MYOF: variants seen among roughly 807,000 people sequenced by gnomAD.
MYOF encodes fer-1-like 3, myoferlin.
In MYOF, 244 loss-of-function variants were observed where a neutral mutation model predicts 284.2. The observed-to-expected ratio is 0.86, with a 90% CI of 0.77 to 0.95. The LOEUF is 0.95. Ranked by LOEUF, MYOF falls within the 40% of genes least tolerant of loss-of-function variation. The pLI is 0.00. For missense variants in MYOF, 2,496 were observed against 2,560.6 expected (o/e 0.97, Z 0.54); for synonymous variants, 904 against 919.7 (o/e 0.98, Z 0.31).
intron 32 of MYOF, among the ~76,000 whole-genome samples, chr10:93,352,854 G>A (rs1447058230): frequency 6.6e-6 from 1 of 152,192 alleles, no homozygotes; most frequent in Non-Finnish European, 1.5e-5. Context: ...ATTTGAAAAT[G>A]TCTTCAAAGA....
chr10:93,402,179 T>C (rs975487805), intron 11 of MYOF, 53 bp downstream of exon 11: 3 of 1,466,474 alleles, frequency 2.0e-6, no homozygotes, highest in Non-Finnish European at 2.9e-6. Context: ...TGCTTAACTC[T>C]TGGCCTTCTT....
At chr10:93,455,943 T>C (rs1209273266) in intron 2 of MYOF, among the ~76,000 whole-genome samples, 2 of 152,192 alleles carry the variant, frequency 1.3e-5, no homozygotes, top group Admixed American at 6.5e-5. Flanking sequence ...GAAAATCCTA[T>C]TCAGTGGGAA....
At chr10:93,471,405 A>G (rs551111501) in intron 1 of MYOF, among the ~76,000 whole-genome samples, 64 of 152,020 alleles carry the variant, frequency 4.2e-4, no homozygotes, top group Non-Finnish European at 5.0e-4. Flanking sequence ...TAAACAACTC[A>G]ATCTGTTCAG....
chr10:93,372,083 T>C (rs1845618710), intron 24 of MYOF, among the ~76,000 whole-genome samples: 1 of 152,176 alleles, frequency 6.6e-6, no homozygotes, highest in African/African-American at 2.4e-5. Context: ...GAGCAATGAG[T>C]AAATTTATTA....
intron 41 of MYOF, 144 bp from the exon 42 acceptor site, chr10:93,334,057 G>T: frequency 1.4e-6 from 1 of 738,486 alleles, no homozygotes; most frequent in South Asian, 2.2e-5. Flanking sequence ...ATTGCACTTT[G>T]CATATTTCCA....
intron 44 of MYOF, 133 bp downstream of exon 44, chr10:93,329,531 C>T (rs902385117): frequency 9.3e-6 from 8 of 859,322 alleles, no homozygotes; most frequent in South Asian, 3.6e-5. Flanking sequence ...AATAATCCTG[C>T]GATTGAAATC....
At chr10:93,385,231 C>A (rs1240304536) in intron 19 of MYOF, among the ~76,000 whole-genome samples, 1 of 152,108 alleles carries the variant, frequency 6.6e-6, no homozygotes, top group East Asian at 1.9e-4. Flanking sequence ...CAGAAGCCAG[C>A]GGGTATTAGA....
intron 16 of MYOF, 87 bp downstream of exon 16, chr10:93,396,055 G>C (rs76364932): frequency 9.9e-7 from 1 of 1,007,576 alleles, no homozygotes; most frequent in Non-Finnish European, 1.5e-6. Context: ...CAAACCTACT[G>C]TGAGGTGGCT....
intron 1 of MYOF, among the ~76,000 whole-genome samples, chr10:93,477,215 G>T (rs1385531330): frequency 1.3e-5 from 2 of 152,240 alleles, no homozygotes; most frequent in East Asian, 3.8e-4. Flanking sequence ...GAAAAGGCCA[G>T]ATGCAGTGGC....
At chr10:93,476,160 G>A (rs1432734610) in intron 1 of MYOF, among the ~76,000 whole-genome samples, 6 of 151,724 alleles carry the variant, frequency 4.0e-5, no homozygotes. Flanking sequence ...GGTGAACCAA[G>A]GCTCTCTGTG....
chr10:93,430,465 C>T (rs1438104454), intron 4 of MYOF, among the ~76,000 whole-genome samples: 1 of 151,454 alleles, frequency 6.6e-6, no homozygotes. Context: ...GCCTATAATC[C>T]CAGCTACTCA....
At chr10:93,341,333 T>C (rs1843900007) in intron 38 of MYOF, among the ~76,000 whole-genome samples, 1 of 151,758 alleles carries the variant, frequency 6.6e-6, no homozygotes, top group Admixed American at 6.6e-5. Context: ...TAGAGTGCAA[T>C]GGCATGATCT....
chr10:93,404,102 GA>G (rs766834340), intron 8 of MYOF, 29 bp from the exon 9 acceptor site: 24 of 1,613,992 alleles, frequency 1.5e-5, no homozygotes, highest in Non-Finnish European at 1.9e-5. Flanking sequence ...GTGAAGAAAT[GA>G]TTGGCTTTGC....
At chr10:93,333,562 A>G (rs1369643360) in intron 42 of MYOF, among the ~76,000 whole-genome samples, 196 bp downstream of exon 42, 1 of 152,114 alleles carries the variant, frequency 6.6e-6, no homozygotes, top group African/African-American at 2.4e-5. Context: ...AGAAGGATGA[A>G]CCAGGGGACC....
At chr10:93,438,194 A>AC (rs1465123531) in intron 3 of MYOF, among the ~76,000 whole-genome samples, 3 of 151,394 alleles carry the variant, frequency 2.0e-5, no homozygotes, top group Middle Eastern at 3.4e-3. Flanking sequence ...CCATCCACTG[A>AC]CCCCCCACAC....
chr10:93,431,106 A>T (rs1462811593), intron 4 of MYOF, among the ~76,000 whole-genome samples: 1 of 144,480 alleles, frequency 6.9e-6, no homozygotes, highest in Non-Finnish European at 1.5e-5. Context: ...TCGGCTCACT[A>T]CAACCTCCAT....
At chr10:93,414,060 A>G (rs1468568641) in intron 5 of MYOF, among the ~76,000 whole-genome samples, 3 of 152,212 alleles carry the variant, frequency 2.0e-5, no homozygotes, top group African/African-American at 7.2e-5. Context: ...TTACAAGTAT[A>G]AAATCAAGAT....
chr10:93,380,091 G>T, intron 20 of MYOF, 104 bp from the exon 21 acceptor site: 1 of 1,409,024 alleles, frequency 7.1e-7, no homozygotes. Context: ...CCACAGGCTT[G>T]GGGAATAGCT....
chr10:93,349,759 CTTTCATA>C, intron 36 of MYOF, 42 bp downstream of exon 36: 1 of 1,526,654 alleles, frequency 6.6e-7, no homozygotes. Flanking sequence ...GAGGCACATA[CTTTCATA>C]TTTCAACGCG....
Sources: gnomAD v4.1 joint callset for allele counts (sites outside exome capture counted in the v4.1 genomes callset) on GRCh38, gnomAD v4.1.1 for gene constraint, MANE v1.5 for transcripts, NCBI Gene and HGNC (gene_info 2026-07-23, HGNC 2026-07-21) for gene names.